SSR3: variants seen among roughly 807,000 people sequenced by gnomAD.
The protein encoded by SSR3 is translocon-associated protein subunit gamma.
SSR3 carries 10 observed loss-of-function variants against 22.1 expected under a neutral mutation model. The observed-to-expected ratio is 0.45, with a 90% CI of 0.28 to 0.77. The LOEUF is 0.77. Ranked by LOEUF, SSR3 falls within the 30% of genes least tolerant of loss-of-function variation. SSR3 has a pLI of 0.13. For synonymous variants in SSR3, 104 were observed against 82.5 expected, an observed-to-expected ratio of 1.26 and a Z score of -1.42; for missense variants, 181 against 220.5, an observed-to-expected ratio of 0.82 and a Z score of 1.13.
At chr3:156,554,796 C>T (rs978344827) in intron 1 of SSR3, 161 bp downstream of exon 1, 1 of 926,354 alleles carries the variant, frequency 1.1e-6, no homozygotes, top group African/African-American at 1.7e-5. Flanking sequence ...AACACTGTGC[C>T]CAAAGAAGAG....
In SSR3 at chr3:156,540,277, C is replaced by T. The variant is rs1719393088; in HGVS notation, c.*2926G>A. ...TCCTTTCCAAGTTTCAATAATATGG[C>T]AAATAGGACAACCAGTAAACTTTTA... On this transcript the variant is annotated 3_prime_UTR_variant, in exon 5 of 5. Transcript: ENST00000265044. 1 of 152,098 alleles carries T rather than the reference C, an allele frequency of 6.6e-6. No homozygotes were observed. The highest frequency in any genetic ancestry group is 2.1e-4 in the South Asian group (1 of 4,836). 9.4% of individuals were successfully genotyped at this position (152,098 alleles called of 1,614,324 possible).
rs1349373647 is a variant in SSR3, at chr3:156,540,967, G to A, written c.*2236C>T. 6.6e-6 allele frequency: 1 copy of A among 152,192 alleles called. No individual in the cohort carries two copies. Among genetic ancestry groups the A allele is most frequent in the Admixed American group, 6.5e-5 (1 of 15,284 alleles). 9.4% of individuals were successfully genotyped at this position (152,192 alleles called of 1,614,324 possible). A position where few individuals can be genotyped will look rare whatever the true frequency, so the allele number is the denominator to read the frequency against. ...CTTAACGAAAACTACTGAACTGTGAGTATATGCTTTATAATCTTATGCACA... is the reference window on the plus strand; with the variant it reads ...CTTAACGAAAACTACTGAACTGTGAATATATGCTTTATAATCTTATGCACA... On this transcript the variant is annotated 3_prime_UTR_variant, in exon 5 of 5. Transcript: ENST00000265044.
rs1323067765 is a variant in SSR3, at chr3:156,543,113, C to G, written c.*90G>C. On this transcript the variant is annotated 3_prime_UTR_variant, in exon 5 of 5. Coordinates refer to ENST00000265044, the MANE Select transcript of SSR3 (RefSeq NM_007107.5). ...TAAAGGCTCTAGACTATAAAAACAT[C>G]TTGTGTCTCCCACCCTGACCACCCT... The G allele has an allele frequency of 2.7e-6, 3 of 1,120,600 alleles. No individual in the cohort carries two copies. The highest frequency in any genetic ancestry group is 1.4e-5 in the South Asian group (1 of 72,984). The allele number at this position is 1,120,600 out of a possible 1,614,324, so 69.4% of individuals were successfully genotyped here. A position where few individuals can be genotyped will look rare whatever the true frequency, so the allele number is the denominator to read the frequency against.
intron 3 of SSR3, among the ~76,000 whole-genome samples, chr3:156,546,088 G>C (rs1719750152): frequency 6.6e-6 from 1 of 152,202 alleles, no homozygotes; most frequent in Non-Finnish European, 1.5e-5. Context: ...GTTTGGCTCT[G>C]TGTCCCCACC....
At position 156,543,136 on chromosome 3, in the gene SSR3, CCTG is replaced by C; in HGVS notation, c.*64_*66del. 3 of 1,433,522 alleles carry C rather than the reference CCTG, an allele frequency of 2.1e-6. No individual in the cohort carries two copies. Among genetic ancestry groups the C allele is most frequent in the Non-Finnish European group, 2.9e-6 (3 of 1,023,158 alleles). The allele number at this position is 1,433,522 out of a possible 1,614,324, so 88.8% of individuals were successfully genotyped here. A position where few individuals can be genotyped will look rare whatever the true frequency, so the allele number is the denominator to read the frequency against. ...ATCTTGTGTCTCCCACCCTGACCACCCTGCTACTTTTCCATATACCACAGGCCA... is the reference window on the plus strand; with the variant it reads ...ATCTTGTGTCTCCCACCCTGACCACCCTACTTTTCCATATACCACAGGCCA... On this transcript the variant is annotated 3_prime_UTR_variant, in exon 5 of 5. Coordinates refer to ENST00000265044, the MANE Select transcript of SSR3 (RefSeq NM_007107.5).
chr3:156,543,790 C>T (rs1719656352), intron 4 of SSR3, among the ~76,000 whole-genome samples: 1 of 152,208 alleles, frequency 6.6e-6, no homozygotes, highest in African/African-American at 2.4e-5. Flanking sequence ...TTTATTACAT[C>T]ATAATCACCA....
chr3:156,552,131 T>C (rs1032424009), intron 2 of SSR3, among the ~76,000 whole-genome samples: 12 of 151,970 alleles, frequency 7.9e-5, no homozygotes, highest in African/African-American at 2.7e-4. Flanking sequence ...CAAAACTCCA[T>C]CTCTACAAAA....
At chr3:156,549,991 CTT>C (rs1249513727) in intron 2 of SSR3, among the ~76,000 whole-genome samples, 1 of 150,694 alleles carries the variant, frequency 6.6e-6, no homozygotes, top group Non-Finnish European at 1.5e-5. Flanking sequence ...TAAAAACTAT[CTT>C]TTTTCATATG....
intron 2 of SSR3, among the ~76,000 whole-genome samples, chr3:156,552,591 G>C (rs918042343): frequency 2.6e-5 from 4 of 152,148 alleles, no homozygotes; most frequent in Admixed American, 2.6e-4. Flanking sequence ...CACATACAAA[G>C]TATGTTCGTA....
At chr3:156,553,363 T>C (rs922508920) in intron 2 of SSR3, among the ~76,000 whole-genome samples, 2 of 152,236 alleles carry the variant, frequency 1.3e-5, no homozygotes, top group African/African-American at 4.8e-5. Flanking sequence ...TCTGAAATGT[T>C]AACTTACTTG....
At chr3:156,549,654 C>T (rs1043273880) in intron 2 of SSR3, among the ~76,000 whole-genome samples, 2 of 152,166 alleles carry the variant, frequency 1.3e-5, no homozygotes, top group Admixed American at 6.5e-5. Flanking sequence ...ATCTTTAGCT[C>T]TCTCACTCAA....
chr3:156,555,096 G>A lies in SSR3; in HGVS notation c.-7C>T. 1 of 1,612,880 alleles carries A rather than the reference G, an allele frequency of 6.2e-7. No homozygotes were observed. Among genetic ancestry groups the A allele is most frequent in the Non-Finnish European group, 8.5e-7 (1 of 1,179,792 alleles). ...AGCTGCCTTTAGGAGCCATGGCGGA[G>A]CTGCAGGCGAGAACAGGGAACGTAG... On this transcript the variant is annotated 5_prime_UTR_variant, in exon 1 of 5. Transcript: ENST00000265044.
rs1337927165 is a variant in SSR3, at chr3:156,543,189, G to A, written c.*14C>T. On this transcript the variant is annotated 3_prime_UTR_variant, in exon 5 of 5. Transcript: ENST00000265044. ...ACCCATAGACACAAAGCCAGGGGGTGAAGCTGACATGGTCTATTTGGAGCC... is the reference window on the plus strand; with the variant it reads ...ACCCATAGACACAAAGCCAGGGGGTAAAGCTGACATGGTCTATTTGGAGCC... The A allele has an allele frequency of 4.3e-6, 7 of 1,612,688 alleles. No homozygotes were observed. In the African/African-American group the frequency reaches 6.7e-5, roughly 15 times the overall value.
Position 156,554,942 on chromosome 3 carries a change from G to A in SSR3, c.133+15C>T, listed in dbSNP as rs754870455. 1.1e-5 allele frequency: 18 copies of A among 1,610,790 alleles called. No individual in the cohort carries two copies. Among genetic ancestry groups the A allele is most frequent in the Non-Finnish European group, 1.5e-5 (18 of 1,178,738 alleles). The stretch of plus-strand genomic sequence containing the variant: ...GCCGGCGGCCTGCCTAACCCGCCTC[G>A]CTCCCAGCACTCACAGATGGGGATG... On this transcript the variant is annotated intron_variant, in intron 1 of 4. Transcript: ENST00000265044.
intron 2 of SSR3, 136 bp from the exon 3 acceptor site, chr3:156,549,139 C>T (rs1427008842): frequency 1.3e-5 from 12 of 917,410 alleles, no homozygotes; most frequent in Non-Finnish European, 4.6e-6. Flanking sequence ...AGAAGCTGAG[C>T]AGAAAGTTCC....
chr3:156,552,303 CAAA>C (rs1234560296), intron 2 of SSR3, among the ~76,000 whole-genome samples: 3 of 76,606 alleles, frequency 3.9e-5, no homozygotes, highest in Admixed American at 2.9e-4. Context: ...GAGTCTGTCT[CAAA>C]AAAAAAAAAA....
rs1720047017 is a variant in SSR3 at position 156,553,733 on chromosome 3, A to G, written c.182T>C (p.Leu61Ser). 1.2e-6 allele frequency: 2 copies of G among 1,612,996 alleles called. No homozygotes were observed. Among genetic ancestry groups the G allele is most frequent in the African/African-American group, 1.3e-5 (1 of 74,922 alleles). ...WHMDLIQSAVLYSVMTLVSTY... is the reference protein window; with the variant it reads ...WHMDLIQSAVSYSVMTLVSTY... ...GCTTACTAGGGTCATCACACTATAC[A>G]AAACAGCAGACTGAATAAGATCCAT... Residue 61 changes from leucine to serine, a missense_variant, in exon 2 of 5, where the codon TTG becomes TCG. Coordinates refer to ENST00000265044, the MANE Select transcript of SSR3 (RefSeq NM_007107.5).
chr3:156,554,445 T>G (rs1218375255), intron 1 of SSR3, among the ~76,000 whole-genome samples: 1 of 152,246 alleles, frequency 6.6e-6, no homozygotes, highest in Non-Finnish European at 1.5e-5. Context: ...CCCTAACCCC[T>G]GGCACTTCAA....
intron 3 of SSR3, among the ~76,000 whole-genome samples, chr3:156,546,769 AG>A (rs559678943): frequency 3.4e-4 from 52 of 152,350 alleles, no homozygotes; most frequent in African/African-American, 1.3e-3. Context: ...GTTAAATGAT[AG>A]ATCACCTGTA....
Sources: allele counts gnomAD v4.1 joint callset (sites outside exome capture counted in the v4.1 genomes callset), GRCh38; gene constraint gnomAD v4.1.1; transcripts MANE v1.5; gene names NCBI Gene and HGNC (gene_info 2026-07-23, HGNC 2026-07-21).